Variants in EXOC4 observed in about 807,000 individuals in gnomAD.
EXOC4 encodes SEC8-like 1.
Under a neutral mutation model 107.2 loss-of-function variants are expected in EXOC4, and 71 were observed. That is an observed-to-expected ratio of 0.66 (90% CI 0.55 to 0.81). The LOEUF is 0.81. EXOC4 is among the 30% of genes least tolerant of loss of function. EXOC4 has a pLI of 0.00. For synonymous variants in EXOC4, 456 were observed against 441.2 expected (o/e 1.03, Z -0.42); for missense variants, 1,108 against 1,189.6 (o/e 0.93, Z 1.01).
At chr7:133,688,846 A>G (rs1794361984) in intron 10 of EXOC4, among the ~76,000 whole-genome samples, 1 of 152,126 alleles carries the variant, frequency 6.6e-6, no homozygotes, top group Admixed American at 6.6e-5. Flanking sequence ...GAATTAACCA[A>G]TGGTATCTCA....
intron 2 of EXOC4, among the ~76,000 whole-genome samples, chr7:133,281,947 C>T (rs1158111125): frequency 6.6e-6 from 1 of 152,140 alleles, no homozygotes; most frequent in Non-Finnish European, 1.5e-5. Flanking sequence ...AGGTAATCTG[C>T]CCAACTTGGC....
At chr7:133,786,222 G>A (rs1044696968) in intron 10 of EXOC4, among the ~76,000 whole-genome samples, 15 of 152,186 alleles carry the variant, frequency 9.9e-5, no homozygotes, top group African/African-American at 3.6e-4. Flanking sequence ...GGCCTCAGCA[G>A]GAGTCGTCTG....
chr7:133,721,832 A>G (rs1460208343), intron 10 of EXOC4, among the ~76,000 whole-genome samples: 1 of 152,190 alleles, frequency 6.6e-6, no homozygotes, highest in South Asian at 2.1e-4. Flanking sequence ...GCCTCCCACT[A>G]AATGATGATA....
intron 9 of EXOC4, among the ~76,000 whole-genome samples, chr7:133,494,472 G>A (rs1799434952): frequency 6.6e-6 from 1 of 152,144 alleles, no homozygotes; most frequent in Admixed American, 6.5e-5. Flanking sequence ...GGCAATTGAT[G>A]GGATGAATCA....
intron 9 of EXOC4, among the ~76,000 whole-genome samples, chr7:133,549,080 C>T (rs534038814): frequency 5.3e-5 from 8 of 152,268 alleles, no homozygotes; most frequent in South Asian, 2.1e-4. Flanking sequence ...CTTGGCTCAC[C>T]GTAACCTCCA....
chr7:133,576,424 T>C (rs1801127030), intron 9 of EXOC4: 3 of 1,128,038 alleles, frequency 2.7e-6, no homozygotes, highest in Non-Finnish European at 2.3e-6. Context: ...ATTAGCATTA[T>C]GTAGTATATT....
At chr7:133,438,178 A>T (rs1225175802) in intron 7 of EXOC4, among the ~76,000 whole-genome samples, 1 of 152,022 alleles carries the variant, frequency 6.6e-6, no homozygotes, top group East Asian at 1.9e-4. Flanking sequence ...GTTCATTATC[A>T]TTTTCCCCAA....
intron 10 of EXOC4, among the ~76,000 whole-genome samples, chr7:133,765,475 A>G (rs962257938): frequency 6.6e-6 from 1 of 152,010 alleles, no homozygotes; most frequent in Admixed American, 6.6e-5. Context: ...TGAAAGCTCT[A>G]TGTGTGTCTC....
intron 7 of EXOC4, among the ~76,000 whole-genome samples, chr7:133,464,183 A>G (rs750348098): frequency 1.3e-5 from 2 of 152,170 alleles, no homozygotes; most frequent in Non-Finnish European, 2.9e-5. Flanking sequence ...TCTGTTTCCA[A>G]CTTTTAAGTT....
chr7:134,015,745 C>T (rs561435862), intron 17 of EXOC4, among the ~76,000 whole-genome samples: 3 of 151,886 alleles, frequency 2.0e-5, no homozygotes, highest in Admixed American at 1.3e-4. Flanking sequence ...TGTGGTGGCA[C>T]GTGCCTGTAA....
the EXOC4 span, among the ~76,000 whole-genome samples, chr7:134,096,114 CA>C: frequency 6.6e-6 from 1 of 152,066 alleles, no homozygotes; most frequent in African/African-American, 2.4e-5. Flanking sequence ...ACAAACAAAA[CA>C]CATTAGAAAG....
At chr7:133,572,930 G>T (rs1801054461) in intron 9 of EXOC4, among the ~76,000 whole-genome samples, 1 of 152,178 alleles carries the variant, frequency 6.6e-6, no homozygotes, top group Non-Finnish European at 1.5e-5. Flanking sequence ...TTGGGGAAAA[G>T]AGTCTGTTAT....
chr7:134,044,358 G>A (rs1372317625), intron 17 of EXOC4, among the ~76,000 whole-genome samples: 3 of 152,196 alleles, frequency 2.0e-5, no homozygotes, highest in African/African-American at 7.2e-5. Flanking sequence ...TCTGAAGGTA[G>A]CAAGTGTGAG....
chr7:133,835,919 G>A (rs1563020382), intron 11 of EXOC4, among the ~76,000 whole-genome samples: 1 of 152,144 alleles, frequency 6.6e-6, no homozygotes, highest in Non-Finnish European at 1.5e-5. Context: ...TTAACTTCAT[G>A]ATTACTAACC....
intron 11 of EXOC4, among the ~76,000 whole-genome samples, chr7:133,881,773 T>C (rs1033286246): frequency 6.6e-6 from 1 of 152,216 alleles, no homozygotes; most frequent in Admixed American, 6.5e-5. Context: ...TTTCATCTGG[T>C]AGTCAGTAGT....
At chr7:133,625,175 T>A (rs1269836088) in intron 9 of EXOC4, among the ~76,000 whole-genome samples, 1 of 152,216 alleles carries the variant, frequency 6.6e-6, no homozygotes, top group Non-Finnish European at 1.5e-5. Flanking sequence ...GAATTTGGAC[T>A]TTCTTTCTCC....
chr7:133,654,343 C>T (rs1803234737), intron 10 of EXOC4, among the ~76,000 whole-genome samples: 1 of 152,090 alleles, frequency 6.6e-6, no homozygotes, highest in Non-Finnish European at 1.5e-5. Flanking sequence ...CTTCCCTAAG[C>T]CTCAGTTCCT....
chr7:133,541,453 G>A (rs1173421694), intron 9 of EXOC4, among the ~76,000 whole-genome samples: 1 of 152,138 alleles, frequency 6.6e-6, no homozygotes, highest in African/African-American at 2.4e-5. Context: ...TTTCAGGCAT[G>A]AATCATCCAC....
intron 11 of EXOC4, among the ~76,000 whole-genome samples, chr7:133,866,950 C>T (rs1052505990): frequency 6.6e-6 from 1 of 152,188 alleles, no homozygotes; most frequent in Non-Finnish European, 1.5e-5. Flanking sequence ...TTCTGTCCAT[C>T]GTCGTCTTTG....
Sources: allele counts gnomAD v4.1 joint callset (sites outside exome capture counted in the v4.1 genomes callset), GRCh38; gene constraint gnomAD v4.1.1; transcripts MANE v1.5; gene names NCBI Gene and HGNC (gene_info 2026-07-23, HGNC 2026-07-21).